The following MARCHF1 variants were observed in gnomAD, a reference collection of about 807,000 sequenced individuals.
MARCHF1 encodes the protein E3 ubiquitin-protein ligase MARCHF1.
Under a neutral mutation model 54.2 loss-of-function variants are expected in MARCHF1, and 40 were observed. The ratio of observed to expected loss-of-function variants is 0.74; its 90% CI spans 0.57 to 0.96. MARCHF1 has a LOEUF of 0.96. MARCHF1 is among the 40% of genes least tolerant of loss of function. The pLI is 0.00. For synonymous variants in MARCHF1, 236 were observed against 236.3 expected (o/e 1.00, Z 0.01); for missense variants, 586 against 656.5 (o/e 0.89, Z 1.17).
rs115606338 is a variant in MARCHF1 at position 163,959,790 on chromosome 4, G to T, written c.-39+28711C>A. Among the ~76,000 whole-genome samples the T allele has an allele frequency of 2.4e-3, 361 of 151,988 alleles. 1 individual carries two copies. Among genetic ancestry groups the T allele is most frequent in the African/African-American group, 8.5e-3 (354 of 41,476 alleles). On this transcript the variant is annotated intron_variant, in intron 3 of 9. Coordinates refer to ENST00000514618, the MANE Select transcript of MARCHF1 (RefSeq NM_001394959.1). Reference sequence around the variant, plus strand: ...CATAATGAAAACACCAAAAATAATTGCAACAAATGCAATAAAATTGACTAA... The same window carrying T: ...CATAATGAAAACACCAAAAATAATTTCAACAAATGCAATAAAATTGACTAA...
At chr4:163,896,802 G>A (rs1750816621) in intron 3 of MARCHF1, among the ~76,000 whole-genome samples, 1 of 152,128 alleles carries the variant, frequency 6.6e-6, no homozygotes, top group Non-Finnish European at 1.5e-5. Context: ...CAAAGCTCTT[G>A]TACCACAGGA....
chr4:164,097,090 A>C lies in MARCHF1; in HGVS notation c.-248+14498T>G, dbSNP rs114697506. ...AAAACTGTAGACATGTAAAAAAATAATGTAAGGCTTGTTATACTATAGACA... is the reference window on the plus strand; with the variant it reads ...AAAACTGTAGACATGTAAAAAAATACTGTAAGGCTTGTTATACTATAGACA... On this transcript the variant is annotated intron_variant, in intron 2 of 9. Coordinates refer to ENST00000514618, the MANE Select transcript of MARCHF1 (RefSeq NM_001394959.1). 3.2e-3 allele frequency among the ~76,000 whole-genome samples: 484 copies of C among 152,308 alleles called. 3 individuals are homozygous for C. Among genetic ancestry groups the C allele is most frequent in the African/African-American group, 0.011 (455 of 41,574 alleles).
Position 163,676,270 on chromosome 4 carries a change from T to C in MARCHF1, c.162+24543A>G, listed in dbSNP as rs186409210. Among the ~76,000 whole-genome samples, 139 of 146,998 alleles carry C rather than the reference T, an allele frequency of 9.5e-4. 2 individuals are homozygous for C. In the East Asian group the frequency reaches 0.024, roughly 26 times the overall value. On this transcript the variant is annotated intron_variant, in intron 5 of 9. Coordinates refer to ENST00000514618, the MANE Select transcript of MARCHF1 (RefSeq NM_001394959.1). The stretch of plus-strand genomic sequence containing the variant: ...TACTAGGGAGGCTGAGGCAGGAGAA[T>C]CCCTTGAACGCGGGAGGCGGATGTT...
intron 4 of MARCHF1, among the ~76,000 whole-genome samples, chr4:163,781,434 T>C (rs535707405): frequency 9.2e-5 from 14 of 152,220 alleles, no homozygotes; most frequent in African/African-American, 2.9e-4. Context: ...CTGAGCCCAA[T>C]TGGTGGCGGA....
At chr4:163,729,766 C>G (rs1004340898) in intron 4 of MARCHF1, among the ~76,000 whole-genome samples, 4 of 152,002 alleles carry the variant, frequency 2.6e-5, no homozygotes, top group African/African-American at 2.4e-5. Flanking sequence ...TTTGGGCCAC[C>G]AAAATTTCTG....
At chr4:164,015,959 T>C (rs893921717) in intron 2 of MARCHF1, among the ~76,000 whole-genome samples, 8 of 151,100 alleles carry the variant, frequency 5.3e-5, no homozygotes, top group African/African-American at 1.9e-4. Context: ...CACTGCTGGG[T>C]CTATGTTCAT....
intron 1 of MARCHF1, among the ~76,000 whole-genome samples, chr4:164,290,678 ATACT>A (rs1275440189): frequency 6.6e-6 from 1 of 152,050 alleles, no homozygotes; most frequent in South Asian, 2.1e-4. Flanking sequence ...TATTTAATTC[ATACT>A]TAATTCAAAG....
At chr4:163,755,328 CTTT>C (rs1285860336) in intron 4 of MARCHF1, among the ~76,000 whole-genome samples, 1 of 152,110 alleles carries the variant, frequency 6.6e-6, no homozygotes, top group Non-Finnish European at 1.5e-5. Context: ...AGCTAATAAA[CTTT>C]TTGTCCTTCT....
chr4:164,323,597 C>CAAAAAAAAA lies in MARCHF1; in HGVS notation c.-323+60264_-323+60272dup, dbSNP rs70952622. Among the ~76,000 whole-genome samples the CAAAAAAAAA allele has an allele frequency of 5.2e-3, 161 of 30,946 alleles. 30 individuals carry two copies. Among genetic ancestry groups the CAAAAAAAAA allele is most frequent in the African/African-American group, 0.022 (144 of 6,458 alleles). 20.3% of individuals were successfully genotyped at this position (30,946 alleles called of 152,430 possible). ...CACTGATTAAGGAGAGGATGAGTAGCAAAAAAAAAAAAAAAAAAAAAAAAA... is the reference window on the plus strand; with the variant it reads ...CACTGATTAAGGAGAGGATGAGTAGCAAAAAAAAAAAAAAAAAAAAAAAAAAAAAAAAAA... On this transcript the variant is annotated intron_variant, in intron 1 of 9. Coordinates refer to ENST00000514618, the MANE Select transcript of MARCHF1 (RefSeq NM_001394959.1).
intron 1 of MARCHF1, among the ~76,000 whole-genome samples, chr4:164,365,991 A>AT (rs1314126467): frequency 6.6e-6 from 1 of 151,896 alleles, no homozygotes; most frequent in African/African-American, 2.4e-5. Flanking sequence ...AAACGCACAC[A>AT]TTGCATACAT....
At position 163,700,804 on chromosome 4, in the gene MARCHF1, T is replaced by G. The variant is rs1246375474; in HGVS notation, c.162+9A>C. 6.5e-7 allele frequency: 1 copy of G among 1,534,878 alleles called. No homozygotes were observed. The highest frequency in any genetic ancestry group is 8.7e-7 in the Non-Finnish European group (1 of 1,145,032). On this transcript the variant is annotated intron_variant, in intron 5 of 9. Transcript: ENST00000514618. ...AGTCAACAAACAAGAAAATGAGTACTTCACCTACTTTTGAAATGTTACTTG... is the reference window on the plus strand; with the variant it reads ...AGTCAACAAACAAGAAAATGAGTACGTCACCTACTTTTGAAATGTTACTTG...
At chr4:163,559,846 T>C (rs145144965) in intron 8 of MARCHF1, among the ~76,000 whole-genome samples, 3 of 152,284 alleles carry the variant, frequency 2.0e-5, no homozygotes, top group Middle Eastern at 3.4e-3. Context: ...CTCAGGACAT[T>C]TGTACATATA....
intron 4 of MARCHF1, among the ~76,000 whole-genome samples, chr4:163,780,277 G>C (rs1178292756): frequency 2.6e-5 from 4 of 152,178 alleles, no homozygotes; most frequent in Non-Finnish European, 5.9e-5. Flanking sequence ...AGAAAGAAAA[G>C]GTGTGCATGG....
chr4:164,005,125 C>T (rs1469103231), intron 2 of MARCHF1, among the ~76,000 whole-genome samples: 3 of 151,630 alleles, frequency 2.0e-5, no homozygotes, highest in Admixed American at 2.0e-4. Context: ...TAAGAGGAAA[C>T]ATTACTATAT....
chr4:163,852,118 A>G (rs1386730698), intron 4 of MARCHF1, among the ~76,000 whole-genome samples: 2 of 152,106 alleles, frequency 1.3e-5, no homozygotes, highest in Non-Finnish European at 2.9e-5. Flanking sequence ...AGAAAATGTC[A>G]TCAAGAAATT....
intron 4 of MARCHF1, among the ~76,000 whole-genome samples, chr4:163,785,986 G>A (rs1747607430): frequency 6.6e-6 from 1 of 151,980 alleles, no homozygotes; most frequent in South Asian, 2.1e-4. Flanking sequence ...AGAGAGGTTT[G>A]CACATGCTAT....
chr4:164,233,804 G>A (rs1472731507), intron 1 of MARCHF1, among the ~76,000 whole-genome samples: 3 of 152,108 alleles, frequency 2.0e-5, no homozygotes, highest in Non-Finnish European at 4.4e-5. Context: ...ACTGAACCAT[G>A]TAAATATTTT....
intron 1 of MARCHF1, among the ~76,000 whole-genome samples, chr4:164,341,322 G>T (rs1208528193): frequency 6.7e-6 from 1 of 150,374 alleles, no homozygotes; most frequent in Non-Finnish European, 1.5e-5. Flanking sequence ...AAAGCTGAAA[G>T]CCTTTCTTCT....
intron 2 of MARCHF1, among the ~76,000 whole-genome samples, chr4:164,016,500 A>G (rs774265662): frequency 1.5e-4 from 23 of 152,182 alleles, no homozygotes; most frequent in Non-Finnish European, 2.8e-4. Flanking sequence ...AAGCCATAAA[A>G]AAGAATGCAA....
Sources: gnomAD v4.1 joint callset for allele counts (sites outside exome capture counted in the v4.1 genomes callset) on GRCh38, gnomAD v4.1.1 for gene constraint, MANE v1.5 for transcripts, NCBI Gene and HGNC (gene_info 2026-07-23, HGNC 2026-07-21) for gene names.